Variants in CDH12 observed in about 807,000 individuals in gnomAD.
CDH12 encodes cadherin 12.
A neutral mutation model predicts 74.1 loss-of-function variants in CDH12; 41 were observed. That is an observed-to-expected ratio of 0.55 (90% confidence interval 0.43 to 0.72). The LOEUF (loss-of-function observed/expected upper bound fraction) is 0.72, where lower values mean the gene tolerates loss of function less well. CDH12 is among the 30% of genes least tolerant of loss of function. CDH12 has a pLI of 0.00. For missense variants in CDH12, 945 were observed against 977.2 expected, an observed-to-expected ratio of 0.97 and a Z score of 0.44; for synonymous variants, 399 against 355.0, an observed-to-expected ratio of 1.12 and a Z score of -1.39.
intron 1 of CDH12, among the ~76,000 whole-genome samples, chr5:22,836,771 C>A (rs559694746): frequency 2.6e-5 from 4 of 152,174 alleles, no homozygotes; most frequent in South Asian, 2.1e-4. Flanking sequence ...CTAAGGGTAA[C>A]CATGTAAATA....
At chr5:21,837,858 C>T (rs893998262) in intron 8 of CDH12, among the ~76,000 whole-genome samples, 1 of 152,062 alleles carries the variant, frequency 6.6e-6, no homozygotes, top group South Asian at 2.1e-4. Context: ...ATATCCCCCA[C>T]CCGTTATAGT....
At chr5:21,772,326 A>G (rs1030980676) in intron 11 of CDH12, among the ~76,000 whole-genome samples, 2 of 151,920 alleles carry the variant, frequency 1.3e-5, no homozygotes, top group Non-Finnish European at 2.9e-5. Flanking sequence ...GGCAAAGGGG[A>G]TAGTGAGAGA....
chr5:22,813,238 AG>A (rs1259446275), intron 1 of CDH12, among the ~76,000 whole-genome samples: 1 of 152,190 alleles, frequency 6.6e-6, no homozygotes, highest in Non-Finnish European at 1.5e-5. Context: ...TATATTATGA[AG>A]GACAACTAGA....
At chr5:22,282,827 G>T (rs1290123519) in intron 3 of CDH12, among the ~76,000 whole-genome samples, 1 of 152,058 alleles carries the variant, frequency 6.6e-6, no homozygotes, top group Non-Finnish European at 1.5e-5. Flanking sequence ...GGAAGACAGG[G>T]TGGTGATTCC....
intron 5 of CDH12, among the ~76,000 whole-genome samples, chr5:22,025,203 C>A (rs1379386837): frequency 1.3e-5 from 2 of 152,058 alleles, no homozygotes. Context: ...CCATGGCTAA[C>A]ACAAAATATA....
At chr5:22,431,964 G>T (rs910837814) in intron 2 of CDH12, among the ~76,000 whole-genome samples, 3 of 152,010 alleles carry the variant, frequency 2.0e-5, no homozygotes, top group Non-Finnish European at 2.9e-5. Context: ...TATAACTTTG[G>T]TGTTCATCAA....
At chr5:21,854,923 G>A (rs1037367716) in intron 6 of CDH12, 133 bp from the exon 7 acceptor site, 7 of 646,564 alleles carry the variant, frequency 1.1e-5, no homozygotes, top group African/African-American at 9.3e-5. Flanking sequence ...TGATGTCACT[G>A]AGGATAGTTT....
chr5:22,200,327 C>T (rs1228637457), intron 4 of CDH12, among the ~76,000 whole-genome samples: 1 of 152,074 alleles, frequency 6.6e-6, no homozygotes, highest in African/African-American at 2.4e-5. Context: ...ATTAGTGTAG[C>T]TCCCCTATAC....
intron 10 of CDH12, 29 bp from the exon 11 acceptor site, chr5:21,783,523 T>C: frequency 6.4e-7 from 1 of 1,564,628 alleles, no homozygotes; most frequent in South Asian, 1.1e-5. Context: ...GATGCAAATG[T>C]GCAATGATTA....
intron 1 of CDH12, among the ~76,000 whole-genome samples, chr5:22,577,858 A>T (rs1739870085): frequency 6.6e-6 from 1 of 152,202 alleles, no homozygotes; most frequent in African/African-American, 2.4e-5. Flanking sequence ...TATTGCAAAG[A>T]CAACCTGATT....
chr5:22,679,086 A>T (rs983243571), intron 1 of CDH12, among the ~76,000 whole-genome samples: 1 of 152,142 alleles, frequency 6.6e-6, no homozygotes, highest in African/African-American at 2.4e-5. Context: ...ATTAAAATTC[A>T]TAACTACAGT....
intron 11 of CDH12, among the ~76,000 whole-genome samples, chr5:21,775,080 G>A (rs1246611765): frequency 1.3e-5 from 2 of 152,152 alleles, no homozygotes; most frequent in African/African-American, 4.8e-5. Context: ...TGATGCAGGT[G>A]GCTGTGATTC....
At chr5:22,744,033 C>A (rs1241398362) in intron 1 of CDH12, among the ~76,000 whole-genome samples, 1 of 152,034 alleles carries the variant, frequency 6.6e-6, no homozygotes, top group African/African-American at 2.4e-5. Flanking sequence ...TAATGTAAAA[C>A]AACAAGTTGC....
At chr5:21,795,633 T>G (rs2149913587) in intron 10 of CDH12, among the ~76,000 whole-genome samples, 1 of 152,024 alleles carries the variant, frequency 6.6e-6, no homozygotes, top group South Asian at 2.1e-4. Flanking sequence ...ATACCAATAC[T>G]TCATTTAATT....
chr5:22,365,413 A>G (rs1160661703), intron 3 of CDH12, among the ~76,000 whole-genome samples: 1 of 152,234 alleles, frequency 6.6e-6, no homozygotes, highest in Non-Finnish European at 1.5e-5. Flanking sequence ...CAACAGTATT[A>G]TTAAATGACT....
chr5:22,412,707 G>C (rs903380126), intron 2 of CDH12, among the ~76,000 whole-genome samples: 1 of 151,756 alleles, frequency 6.6e-6, no homozygotes, highest in African/African-American at 2.4e-5. Flanking sequence ...GACGGCCATG[G>C]GCACACTTAG....
intron 3 of CDH12, among the ~76,000 whole-genome samples, chr5:22,332,541 G>C (rs1363726785): frequency 6.6e-6 from 1 of 152,042 alleles, no homozygotes; most frequent in Non-Finnish European, 1.5e-5. Flanking sequence ...CTACAGAATG[G>C]GAGAATATTT....
At chr5:21,776,550 T>G (rs2149890049) in intron 11 of CDH12, among the ~76,000 whole-genome samples, 1 of 152,280 alleles carries the variant, frequency 6.6e-6, no homozygotes, top group African/African-American at 2.4e-5. Flanking sequence ...AAAATCTAAA[T>G]ATGATCCACT....
At position 22,493,377 on chromosome 5, in the gene CDH12, T is replaced by G. The variant is rs559362291; in HGVS notation, c.-428+11893A>C. 7.1e-4 allele frequency among the ~76,000 whole-genome samples: 108 copies of G among 152,294 alleles called. 2 individuals are homozygous for G. The highest frequency in any genetic ancestry group is 4.4e-4 in the Non-Finnish European group (30 of 68,024). ...AACATACTGGGTTTGTTGAAGTCTCTACCAAGGCACTCAAATAGGTGCATG... is the reference window on the plus strand; with the variant it reads ...AACATACTGGGTTTGTTGAAGTCTCGACCAAGGCACTCAAATAGGTGCATG... On this transcript the variant is annotated intron_variant, in intron 2 of 14. Coordinates refer to ENST00000382254, the MANE Select transcript of CDH12 (RefSeq NM_004061.5).
Sources: allele counts gnomAD v4.1 joint callset (sites outside exome capture counted in the v4.1 genomes callset), GRCh38; gene constraint gnomAD v4.1.1; transcripts MANE v1.5; gene names NCBI Gene and HGNC (gene_info 2026-07-23, HGNC 2026-07-21).